Variants in MAGI1 observed in about 807,000 individuals in gnomAD.
The protein encoded by MAGI1 is membrane-associated guanylate kinase, WW and PDZ domain-containing protein 1.
A neutral mutation model predicts 139.9 loss-of-function variants in MAGI1; 58 were observed. The ratio of observed to expected loss-of-function variants is 0.41; its 90% CI spans 0.34 to 0.52. The LOEUF (loss-of-function observed/expected upper bound fraction) is 0.52, where lower values mean the gene tolerates loss of function less well. MAGI1 is among the 20% of genes least tolerant of loss of function. MAGI1 has a pLI of 0.12. For missense variants in MAGI1, 1,874 were observed against 1,901.6 expected (o/e 0.99, Z 0.27); for synonymous variants, 812 against 737.9 (o/e 1.10, Z -1.63).
rs567892406 is a variant in MAGI1, at chr3:65,588,323, T to G, written c.430+33649A>C. 2.6e-5 allele frequency among the ~76,000 whole-genome samples: 4 copies of G among 152,312 alleles called. No individual in the cohort carries two copies. The South Asian group carries it at 8.3e-4, about 32-fold the overall frequency. ...AGGGTGAAGCATTCCTCCCTAAATTTGACCCCATTAAGGTGGAGCGTTTGC... is the reference window on the plus strand; with the variant it reads ...AGGGTGAAGCATTCCTCCCTAAATTGGACCCCATTAAGGTGGAGCGTTTGC... On this transcript the variant is annotated intron_variant, in intron 2 of 22. Transcript: ENST00000402939.
chr3:65,712,179 C>G (rs2031537393), intron 1 of MAGI1, among the ~76,000 whole-genome samples: 1 of 152,084 alleles, frequency 6.6e-6, no homozygotes, highest in Admixed American at 6.6e-5. Flanking sequence ...ACTTGACCCA[C>G]AGAATATGAC....
chr3:65,971,237 T>C (rs931959999), intron 1 of MAGI1, among the ~76,000 whole-genome samples: 2 of 152,202 alleles, frequency 1.3e-5, no homozygotes, highest in Non-Finnish European at 2.9e-5. Flanking sequence ...CTATGACATT[T>C]GATGAATCAT....
At chr3:65,627,346 T>C (rs2084023596) in intron 1 of MAGI1, among the ~76,000 whole-genome samples, 3 of 152,074 alleles carry the variant, frequency 2.0e-5, no homozygotes, top group Admixed American at 2.0e-4. Context: ...TTCCAGTCAT[T>C]ATGCAACAAC....
At chr3:65,732,667 T>C (rs2034309410) in intron 1 of MAGI1, among the ~76,000 whole-genome samples, 1 of 152,250 alleles carries the variant, frequency 6.6e-6, no homozygotes, top group South Asian at 2.1e-4. Context: ...CTTCTGTTTT[T>C]AGTATCAACT....
At chr3:65,826,769 T>C (rs1372159427) in intron 1 of MAGI1, among the ~76,000 whole-genome samples, 3 of 144,662 alleles carry the variant, frequency 2.1e-5, no homozygotes, top group Admixed American at 6.7e-5. Context: ...AAACCCTTTG[T>C]AGTGGGTTTT....
chr3:65,431,024 TTA>T, intron 10 of MAGI1, 143 bp from the exon 11 acceptor site: 1 of 762,918 alleles, frequency 1.3e-6, no homozygotes. Flanking sequence ...AAGTCCTCTC[TTA>T]ATTTGAGGAA....
intron 13 of MAGI1, among the ~76,000 whole-genome samples, chr3:65,399,144 C>T (rs1200722039): frequency 2.6e-5 from 4 of 152,128 alleles, no homozygotes; most frequent in Admixed American, 2.6e-4. Context: ...ATGCACAGAG[C>T]TATTGCCAAA....
At chr3:65,825,019 A>T (rs547003401) in intron 1 of MAGI1, among the ~76,000 whole-genome samples, 2 of 152,324 alleles carry the variant, frequency 1.3e-5, no homozygotes, top group Admixed American at 1.3e-4. Flanking sequence ...ACGGTAAAAC[A>T]CCCATAAAGT....
At chr3:65,507,996 T>C (rs1369984112) in intron 2 of MAGI1, among the ~76,000 whole-genome samples, 1 of 152,222 alleles carries the variant, frequency 6.6e-6, no homozygotes, top group Non-Finnish European at 1.5e-5. Context: ...CCTGTGCTGA[T>C]GTGATAAACC....
At chr3:65,361,446 A>G in intron 21 of MAGI1, 109 bp from the exon 22 acceptor site, 1 of 1,038,614 alleles carries the variant, frequency 9.6e-7, no homozygotes, top group Non-Finnish European at 1.4e-6. Context: ...TGGCAGTGAC[A>G]AAAACAAACA....
chr3:65,789,537 T>A (rs1257456592), intron 1 of MAGI1, among the ~76,000 whole-genome samples: 1 of 152,180 alleles, frequency 6.6e-6, no homozygotes, highest in Non-Finnish European at 1.5e-5. Context: ...CATTTTACAC[T>A]TGAGGCAGAT....
chr3:65,695,214 C>T (rs2089048694), intron 1 of MAGI1, among the ~76,000 whole-genome samples: 1 of 152,038 alleles, frequency 6.6e-6, no homozygotes, highest in South Asian at 2.1e-4. Flanking sequence ...GGAAGAAAGA[C>T]AAAAATGGGA....
At chr3:65,734,212 T>C (rs564451737) in intron 1 of MAGI1, among the ~76,000 whole-genome samples, 1 of 152,112 alleles carries the variant, frequency 6.6e-6, no homozygotes, top group Admixed American at 6.5e-5. Context: ...CTCAGCACCT[T>C]GGGAGGCTGA....
chr3:65,478,250 A>ACC (rs374037157), intron 4 of MAGI1, among the ~76,000 whole-genome samples: 2 of 150,668 alleles, frequency 1.3e-5, no homozygotes, highest in African/African-American at 2.4e-5. Context: ...GCTGCAAGTT[A>ACC]CCCCCCCCAA....
At chr3:65,379,816 T>A (rs2106886305) in intron 16 of MAGI1, among the ~76,000 whole-genome samples, 1 of 152,298 alleles carries the variant, frequency 6.6e-6, no homozygotes, top group African/African-American at 2.4e-5. Context: ...TAGCATGCTA[T>A]ATGTCGACAT....
intron 1 of MAGI1, among the ~76,000 whole-genome samples, chr3:65,714,805 C>CACACACACACA (rs1336795362): frequency 3.9e-5 from 6 of 152,074 alleles, no homozygotes; most frequent in African/African-American, 1.4e-4. Flanking sequence ...CACACACACA[C>CACACACACACA]CCCCCACAAC....
At chr3:65,676,278 A>G (rs1559777114) in intron 1 of MAGI1, among the ~76,000 whole-genome samples, 3 of 152,204 alleles carry the variant, frequency 2.0e-5, no homozygotes, top group Non-Finnish European at 4.4e-5. Flanking sequence ...ACTGAAGGAC[A>G]GGATGAAAAC....
intron 1 of MAGI1, among the ~76,000 whole-genome samples, chr3:65,740,575 C>T (rs1454796827): frequency 6.6e-6 from 1 of 152,158 alleles, no homozygotes; most frequent in Non-Finnish European, 1.5e-5. Context: ...TTCACATTTA[C>T]TGTTAAGGTC....
chr3:65,394,560 G>A (rs549926353), intron 13 of MAGI1, among the ~76,000 whole-genome samples: 2 of 152,218 alleles, frequency 1.3e-5, no homozygotes, highest in South Asian at 4.1e-4. Context: ...CTCATTCTAT[G>A]TTCCTTCTCA....
Sources: allele counts gnomAD v4.1 joint callset (sites outside exome capture counted in the v4.1 genomes callset), GRCh38; gene constraint gnomAD v4.1.1; transcripts MANE v1.5; gene names NCBI Gene and HGNC (gene_info 2026-07-23, HGNC 2026-07-21).